Variants in TNFAIP8 observed in about 807,000 individuals in gnomAD.
TNFAIP8 encodes the protein tumor necrosis factor alpha-induced protein 8.
A neutral mutation model predicts 13.3 loss-of-function variants in TNFAIP8; 7 were observed. The ratio of observed to expected loss-of-function variants is 0.52; its 90% CI spans 0.30 to 0.99. TNFAIP8 has a LOEUF of 0.99. Among genes scored for constraint, TNFAIP8 ranks in the 50% least tolerant of loss-of-function variants. The pLI, the probability that TNFAIP8 is intolerant of heterozygous loss-of-function variation, is 0.07. For missense variants in TNFAIP8, 258 were observed against 236.9 expected (o/e 1.09, Z -0.58); for synonymous variants, 94 against 87.6 (o/e 1.07, Z -0.41).
At chr5:119,323,045 A>G (rs551474917) in intron 1 of TNFAIP8, among the ~76,000 whole-genome samples, 10 of 152,296 alleles carry the variant, frequency 6.6e-5, no homozygotes, top group Middle Eastern at 3.4e-3. Flanking sequence ...AGTTGTCAGT[A>G]TAGTCAGTTC....
At chr5:119,303,319 G>T (rs933595000) in intron 1 of TNFAIP8, among the ~76,000 whole-genome samples, 1 of 152,148 alleles carries the variant, frequency 6.6e-6, no homozygotes, top group African/African-American at 2.4e-5. Context: ...TCAGAGGCTT[G>T]GGTCCCAGTT....
At position 119,398,460 on chromosome 5, in the gene TNFAIP8, C is replaced by T. The variant is rs777696991; in HGVS notation, c.*5079C>T. 6.6e-6 allele frequency: 1 copy of T among 152,206 alleles called. No homozygotes were observed. The highest frequency in any genetic ancestry group is 1.5e-5 in the Non-Finnish European group (1 of 68,076). The allele number at this position is 152,206 out of a possible 1,614,324, so 9.4% of individuals were successfully genotyped here. A position where few individuals can be genotyped will look rare whatever the true frequency, so the allele number is the denominator to read the frequency against. ...CTTCGGGAGACTGAGGTGGGCGGAT[C>T]ACCTGAGGTCCAGAGTTCAAGACCA... On this transcript the variant is annotated 3_prime_UTR_variant, in exon 2 of 2. Transcript: ENST00000504771.
chr5:119,340,116 CA>C (rs1175147837), intron 1 of TNFAIP8, among the ~76,000 whole-genome samples: 3 of 152,126 alleles, frequency 2.0e-5, no homozygotes, highest in Non-Finnish European at 4.4e-5. Flanking sequence ...TGTGGTAAGT[CA>C]GTTGGAGCAG....
chr5:119,317,382 A>T (rs963320894), intron 1 of TNFAIP8, among the ~76,000 whole-genome samples: 20 of 152,246 alleles, frequency 1.3e-4, no homozygotes, highest in Admixed American at 7.2e-4. Flanking sequence ...AAGTGATTAT[A>T]TAAGAAATTA....
At chr5:119,283,759 T>C (rs1475315255) in intron 1 of TNFAIP8, among the ~76,000 whole-genome samples, 1 of 152,334 alleles carries the variant, frequency 6.6e-6, no homozygotes, top group East Asian at 1.9e-4. Context: ...CTGACTGCCC[T>C]AGTGAATTTC....
intron 1 of TNFAIP8, among the ~76,000 whole-genome samples, chr5:119,385,090 G>A (rs928280900): frequency 2.0e-5 from 3 of 152,338 alleles, no homozygotes; most frequent in Admixed American, 6.5e-5. Context: ...AATAAGGGAT[G>A]TAAGGAGAAA....
intron 1 of TNFAIP8, chr5:119,306,780 G>A (rs375120989): frequency 6.6e-6 from 1 of 152,110 alleles, no homozygotes; most frequent in Non-Finnish European, 1.5e-5. Context: ...TGGTTGGTTG[G>A]TTGGTTTGTT....
intron 1 of TNFAIP8, among the ~76,000 whole-genome samples, chr5:119,381,510 A>G (rs147970947): frequency 1.3e-3 from 192 of 152,258 alleles, no homozygotes; most frequent in African/African-American, 4.4e-3. Flanking sequence ...ACTGCCCTCC[A>G]GCTGGGTGAC....
At chr5:119,274,458 C>T (rs1748381347) in intron 1 of TNFAIP8, among the ~76,000 whole-genome samples, 1 of 152,194 alleles carries the variant, frequency 6.6e-6, no homozygotes, top group Non-Finnish European at 1.5e-5. Context: ...GATGGAATTC[C>T]TTTTGCCTTG....
rs545109283 is a variant in TNFAIP8 at position 119,311,842 on chromosome 5, A to G, written c.1+42935A>G. ...TGAAGGAGGGACAAAGCTCTGGTTT[A>G]TAGAGTTTGAGTGTTAAGCAGAGGA... is the stretch of plus-strand genomic sequence containing the variant. On this transcript the variant is annotated intron_variant, in intron 1 of 1. Transcript: ENST00000274456. Among the ~76,000 whole-genome samples the G allele has an allele frequency of 4.6e-4, 70 of 152,302 alleles. 1 individual carries two copies. Among genetic ancestry groups the G allele is most frequent in the African/African-American group, 1.6e-3 (68 of 41,562 alleles).
chr5:119,274,908 C>A (rs1748392876), intron 1 of TNFAIP8, among the ~76,000 whole-genome samples: 1 of 152,076 alleles, frequency 6.6e-6, no homozygotes, highest in South Asian at 2.1e-4. Context: ...AAGCTTGATG[C>A]AAATTGAGAA....
At chr5:119,311,880 A>C (rs888498234) in intron 1 of TNFAIP8, among the ~76,000 whole-genome samples, 9 of 152,196 alleles carry the variant, frequency 5.9e-5, no homozygotes, top group African/African-American at 2.2e-4. Context: ...GAAAGTATCC[A>C]TAGACCTGTG....
At chr5:119,350,602 C>T (rs1013049845) in intron 1 of TNFAIP8, among the ~76,000 whole-genome samples, 1 of 152,156 alleles carries the variant, frequency 6.6e-6, no homozygotes, top group Non-Finnish European at 1.5e-5. Flanking sequence ...AGAAATACAC[C>T]TAGAAAGCCT....
chr5:119,345,565 G>A (rs988815454), intron 1 of TNFAIP8, among the ~76,000 whole-genome samples: 1 of 152,190 alleles, frequency 6.6e-6, no homozygotes, highest in East Asian at 1.9e-4. Context: ...GCTACCATGT[G>A]GATGAATCTT....
intron 1 of TNFAIP8, among the ~76,000 whole-genome samples, chr5:119,383,646 CTATT>C (rs1433604883): frequency 6.6e-6 from 1 of 152,130 alleles, no homozygotes; most frequent in Non-Finnish European, 1.5e-5. Context: ...TGCTCAGTAT[CTATT>C]CATGTATTTG....
At chr5:119,369,844 C>T (rs1051083863) in intron 1 of TNFAIP8, among the ~76,000 whole-genome samples, 2 of 152,194 alleles carry the variant, frequency 1.3e-5, no homozygotes, top group African/African-American at 4.8e-5. Context: ...TGTTTTGGAT[C>T]ACTGTTCTCA....
rs1459862209 is a variant in TNFAIP8 at position 119,397,790 on chromosome 5, C to G, written c.*4409C>G. 6.6e-6 allele frequency: 1 copy of G among 152,216 alleles called. No homozygotes were observed. The highest frequency in any genetic ancestry group is 1.5e-5 in the Non-Finnish European group (1 of 68,040). The allele number at this position is 152,216 out of a possible 1,614,324, so 9.4% of individuals were successfully genotyped here. Reference sequence around the variant, plus strand: ...CCACGAAGTATTGAAAATCTGTTTTCTCTTTTACTAAGTGTCTGCACGGTC... The same window carrying G: ...CCACGAAGTATTGAAAATCTGTTTTGTCTTTTACTAAGTGTCTGCACGGTC... On this transcript the variant is annotated 3_prime_UTR_variant, in exon 2 of 2. Coordinates refer to ENST00000504771, the MANE Select transcript of TNFAIP8 (RefSeq NM_014350.4).
At chr5:119,347,413 G>A (rs1487045153) in intron 1 of TNFAIP8, among the ~76,000 whole-genome samples, 1 of 152,188 alleles carries the variant, frequency 6.6e-6, no homozygotes, top group Non-Finnish European at 1.5e-5. Context: ...TAAAATGTCT[G>A]TTGAAACAGA....
At chr5:119,376,428 A>G (rs1752285048) in intron 1 of TNFAIP8, among the ~76,000 whole-genome samples, 1 of 152,298 alleles carries the variant, frequency 6.6e-6, no homozygotes, top group East Asian at 1.9e-4. Flanking sequence ...GCAAAAATAA[A>G]CTTTTTCAAA....
Sources: gnomAD v4.1 joint callset for allele counts (sites outside exome capture counted in the v4.1 genomes callset) on GRCh38, gnomAD v4.1.1 for gene constraint, MANE v1.5 for transcripts, NCBI Gene and HGNC (gene_info 2026-07-23, HGNC 2026-07-21) for gene names.